PTPN9: variants seen among roughly 807,000 people sequenced by gnomAD.
The protein encoded by PTPN9 is protein tyrosine phosphatase non-receptor type 9.
A neutral mutation model predicts 69.8 loss-of-function variants in PTPN9; 26 were observed. That is an observed-to-expected ratio of 0.37 (90% confidence interval 0.27 to 0.52). The LOEUF is 0.52. PTPN9 is among the 20% of genes least tolerant of loss of function. The pLI, the probability that PTPN9 is intolerant of heterozygous loss-of-function variation, is 0.91. For synonymous variants in PTPN9, 274 were observed against 272.5 expected (o/e 1.01, Z -0.05); for missense variants, 549 against 740.3 (o/e 0.74, Z 3.00).
intron 8 of PTPN9, chr15:75,487,358 A>C (rs887030963): frequency 2.6e-5 from 4 of 151,640 alleles, no homozygotes; most frequent in Non-Finnish European, 4.4e-5. Context: ...ATCAAAATAA[A>C]ATAAAAAAAA....
chr15:75,570,524 C>T (rs553753319), intron 1 of PTPN9, among the ~76,000 whole-genome samples: 1 of 152,148 alleles, frequency 6.6e-6, no homozygotes, highest in East Asian at 1.9e-4. Flanking sequence ...AATCCCAACA[C>T]TTTGGGAGGC....
chr15:75,500,170 G>A (rs1245568058), intron 7 of PTPN9, among the ~76,000 whole-genome samples: 1 of 152,044 alleles, frequency 6.6e-6, no homozygotes, highest in African/African-American at 2.4e-5. Flanking sequence ...AAAATTAACC[G>A]GGTGTGGTGG....
chr15:75,530,774 A>G (rs1307942668), intron 1 of PTPN9, among the ~76,000 whole-genome samples: 1 of 87,096 alleles, frequency 1.1e-5, no homozygotes, highest in African/African-American at 4.6e-5. Context: ...TATTATAATT[A>G]TTATAATATA....
chr15:75,479,138 C>T (rs937793249), intron 9 of PTPN9, among the ~76,000 whole-genome samples: 8 of 152,192 alleles, frequency 5.3e-5, no homozygotes, highest in Admixed American at 3.9e-4. Context: ...GAAACCCAGT[C>T]TCTACTAAAA....
intron 7 of PTPN9, among the ~76,000 whole-genome samples, chr15:75,491,767 G>C (rs1483036969): frequency 6.6e-6 from 1 of 152,114 alleles, no homozygotes; most frequent in African/African-American, 2.4e-5. Flanking sequence ...GAGATGAGGA[G>C]CACATTAGTA....
chr15:75,480,046 T>C (rs1329572226), intron 8 of PTPN9, 132 bp from the exon 9 acceptor site: 1 of 596,446 alleles, frequency 1.7e-6, no homozygotes, highest in Non-Finnish European at 2.9e-6. Flanking sequence ...AGGAGTGAAA[T>C]GGCCAGCTCA....
At chr15:75,522,522 C>T (rs2141319957) in intron 4 of PTPN9, among the ~76,000 whole-genome samples, 1 of 152,020 alleles carries the variant, frequency 6.6e-6, no homozygotes, top group South Asian at 2.1e-4. Context: ...CCTCCCCCAC[C>T]TCCCCCAAGA....
At chr15:75,531,041 A>T (rs2074962095) in intron 1 of PTPN9, among the ~76,000 whole-genome samples, 1 of 148,684 alleles carries the variant, frequency 6.7e-6, no homozygotes, top group African/African-American at 2.5e-5. Flanking sequence ...TTACAAATAC[A>T]ATTCAAATTG....
chr15:75,518,561 T>C (rs1442003098), intron 4 of PTPN9, among the ~76,000 whole-genome samples: 1 of 151,682 alleles, frequency 6.6e-6, no homozygotes, highest in Admixed American at 6.6e-5. Flanking sequence ...CTCACACCTA[T>C]AATCCCAGCA....
At chr15:75,491,496 G>A (rs1398750724) in intron 7 of PTPN9, among the ~76,000 whole-genome samples, 2 of 152,134 alleles carry the variant, frequency 1.3e-5, no homozygotes, top group Non-Finnish European at 2.9e-5. Flanking sequence ...ACTAAGAAGT[G>A]GGGTGCTTCT....
intron 1 of PTPN9, among the ~76,000 whole-genome samples, chr15:75,567,165 A>G (rs2075130123): frequency 6.6e-6 from 1 of 151,902 alleles, no homozygotes; most frequent in East Asian, 1.9e-4. Context: ...ACAGGCGTAC[A>G]CCACCATGCC....
intron 1 of PTPN9, 40 bp downstream of exon 1, chr15:75,578,674 G>A: frequency 3.0e-6 from 4 of 1,347,870 alleles, no homozygotes; most frequent in Non-Finnish European, 3.8e-6. Flanking sequence ...GGCCTCGGGG[G>A]CCCGGACACA....
At position 75,469,847 on chromosome 15, in the gene PTPN9, C is replaced by G; in HGVS notation, c.1512G>C (p.Gly504=). 1 of 1,613,794 alleles carries G rather than the reference C, an allele frequency of 6.2e-7. No homozygotes were observed. The highest frequency in any genetic ancestry group is 8.5e-7 in the Non-Finnish European group (1 of 1,180,040). Residue 504 remains glycine, a synonymous_variant, in exon 12 of 13, where the codon GGG becomes GGC. Transcript: ENST00000618819. ...CCACAATGGGTGGCTCAGGGCACTG[C>G]CCTTTGGAGCGTGCTCCCATGTTGC... is the stretch of plus-strand genomic sequence containing the variant. ...AVSNMGARSK[G]QCPEPPIVVH... is the part of the protein sequence containing the mutation.
chr15:75,548,427 T>G (rs984243572), intron 1 of PTPN9, among the ~76,000 whole-genome samples: 1 of 151,112 alleles, frequency 6.6e-6, no homozygotes, highest in African/African-American at 2.4e-5. Context: ...AGCTAATTTT[T>G]GCACTTTTAA....
chr15:75,505,929 G>A lies in PTPN9; in HGVS notation c.714C>T (p.Tyr238=), dbSNP rs551948447. Residue 238 remains tyrosine (Y), a synonymous_variant, in exon 7 of 13, where the codon TAC becomes TAT. Coordinates refer to ENST00000618819, the MANE Select transcript of PTPN9 (RefSeq NM_002833.4). ...TCCAAGTGGCGAGATCAATTTTGAC[G>A]TACCCACCCAGGTTTTCTGGAAGAC... ...RECLPENLGG[Y]VKIDLATWNF... The A allele has an allele frequency of 3.1e-5, 50 of 1,613,926 alleles. No individual in the cohort carries two copies. Among genetic ancestry groups the A allele is most frequent in the African/African-American group, 1.7e-4 (13 of 74,992 alleles).
intron 1 of PTPN9, among the ~76,000 whole-genome samples, chr15:75,530,285 C>T (rs974847753): frequency 2.1e-5 from 3 of 141,844 alleles, no homozygotes; most frequent in African/African-American, 7.9e-5. Context: ...GCCTGTAATC[C>T]TAGCACTCCG....
In PTPN9 at chr15:75,486,975, C is replaced by T. The variant is rs373837043; in HGVS notation, c.1062+3233G>A. On this transcript the variant is annotated intron_variant, in intron 8 of 12. Transcript: ENST00000618819. ...AATTTTTTGTATTTTTTAGTAGAGA[C>T]GGGGTTTCACCGTGTTAGCCAGGAT... Among the ~76,000 whole-genome samples, 116 of 151,678 alleles carry T rather than the reference C, an allele frequency of 7.6e-4. 1 individual carries two copies. Among genetic ancestry groups the T allele is most frequent in the African/African-American group, 2.6e-3 (109 of 41,386 alleles).
chr15:75,569,746 T>C (rs1225685665), intron 1 of PTPN9, among the ~76,000 whole-genome samples: 1 of 150,998 alleles, frequency 6.6e-6, no homozygotes, highest in Non-Finnish European at 1.5e-5. Flanking sequence ...AATTCATTCA[T>C]AAGTACTAGG....
At chr15:75,514,224 C>T (rs563174192) in intron 5 of PTPN9, among the ~76,000 whole-genome samples, 1 of 150,746 alleles carries the variant, frequency 6.6e-6, no homozygotes, top group South Asian at 2.1e-4. Context: ...AGTTAGACCG[C>T]CAGTGTTGCA....
Sources: allele counts gnomAD v4.1 joint callset (sites outside exome capture counted in the v4.1 genomes callset), GRCh38; gene constraint gnomAD v4.1.1; transcripts MANE v1.5; gene names NCBI Gene and HGNC (gene_info 2026-07-23, HGNC 2026-07-21).